Variants in SYNDIG1 observed in about 807,000 individuals in gnomAD.
The protein encoded by SYNDIG1 is synapse differentiation inducing 1, also known as synapse differentiation-inducing gene protein 1.
In SYNDIG1, 9 loss-of-function variants were observed where a neutral mutation model predicts 19.4. The observed-to-expected ratio is 0.46, with a 90% CI of 0.28 to 0.81. The LOEUF (loss-of-function observed/expected upper bound fraction) is 0.81, where lower values mean the gene tolerates loss of function less well. Ranked by LOEUF, SYNDIG1 falls within the 30% of genes least tolerant of loss-of-function variation. The pLI, the probability that SYNDIG1 is intolerant of heterozygous loss-of-function variation, is 0.12. For missense variants in SYNDIG1, 311 were observed against 343.3 expected (o/e 0.91, Z 0.74); for synonymous variants, 141 against 145.9 (o/e 0.97, Z 0.24).
intron 3 of SYNDIG1, among the ~76,000 whole-genome samples, chr20:24,598,847 A>G (rs980469538): frequency 6.6e-6 from 1 of 152,238 alleles, no homozygotes; most frequent in Non-Finnish European, 1.5e-5. Flanking sequence ...ACTCACAATG[A>G]GTTTAAGACT....
At chr20:24,624,186 G>A (rs913291142) in intron 3 of SYNDIG1, among the ~76,000 whole-genome samples, 3 of 150,334 alleles carry the variant, frequency 2.0e-5, no homozygotes, top group African/African-American at 4.9e-5. Flanking sequence ...AACCCGGGAG[G>A]TGGAGCTTGC....
At chr20:24,650,632 C>A (rs1014918230) in intron 3 of SYNDIG1, among the ~76,000 whole-genome samples, 5 of 152,230 alleles carry the variant, frequency 3.3e-5, no homozygotes, top group African/African-American at 1.2e-4. Flanking sequence ...ATTCAGAGCA[C>A]CAGCCCAGCC....
chr20:24,496,153 G>GT (rs1228121058), intron 1 of SYNDIG1, among the ~76,000 whole-genome samples: 1 of 152,152 alleles, frequency 6.6e-6, no homozygotes. Context: ...CCATATTTCT[G>GT]TTTTTAAAAA....
intron 3 of SYNDIG1, among the ~76,000 whole-genome samples, chr20:24,661,285 G>C (rs2059582652): frequency 6.8e-6 from 1 of 147,478 alleles, no homozygotes; most frequent in Admixed American, 6.7e-5. Flanking sequence ...GAGCAAGTGA[G>C]CAGAAGAAAG....
chr20:24,607,324 G>A (rs1204872051), intron 3 of SYNDIG1, among the ~76,000 whole-genome samples: 3 of 144,774 alleles, frequency 2.1e-5, no homozygotes, highest in Non-Finnish European at 4.5e-5. Flanking sequence ...TCACACCACT[G>A]CACTGCAGCC....
At chr20:24,527,445 T>C (rs1028254594) in intron 1 of SYNDIG1, among the ~76,000 whole-genome samples, 2 of 152,156 alleles carry the variant, frequency 1.3e-5, no homozygotes, top group African/African-American at 4.8e-5. Flanking sequence ...TTCTATACTT[T>C]CTTCTCACTA....
intron 1 of SYNDIG1, among the ~76,000 whole-genome samples, chr20:24,490,956 C>T (rs905922745): frequency 4.6e-5 from 7 of 152,146 alleles, no homozygotes; most frequent in African/African-American, 1.4e-4. Context: ...TAGAGCCCAG[C>T]GGCAGTACTG....
At chr20:24,528,653 G>A (rs2057177746) in intron 1 of SYNDIG1, among the ~76,000 whole-genome samples, 1 of 152,140 alleles carries the variant, frequency 6.6e-6, no homozygotes, top group Non-Finnish European at 1.5e-5. Flanking sequence ...CTATGGGCGA[G>A]GGCTTAATCA....
chr20:24,624,839 A>G lies in SYNDIG1; in HGVS notation c.618+39846A>G, dbSNP rs890927047. On this transcript the variant is annotated intron_variant, in intron 3 of 3. Coordinates refer to ENST00000376862, the MANE Select transcript of SYNDIG1 (RefSeq NM_024893.3). ...AAAGATTAAAAACAGTAGAGAAAAT[A>G]AAAAGTATGTGAGGCAGACAACAAA... Among the ~76,000 whole-genome samples, 4 of 152,226 alleles carry G rather than the reference A, an allele frequency of 2.6e-5. No individual in the cohort carries two copies. In the East Asian group the frequency reaches 7.7e-4, roughly 29 times the overall value.
At chr20:24,516,756 A>G (rs946171261) in intron 1 of SYNDIG1, among the ~76,000 whole-genome samples, 3 of 152,218 alleles carry the variant, frequency 2.0e-5, no homozygotes, top group African/African-American at 4.8e-5. Flanking sequence ...AGAAGACAGT[A>G]TGGCGATTCC....
At chr20:24,491,129 A>T (rs1202325997) in intron 1 of SYNDIG1, among the ~76,000 whole-genome samples, 1 of 152,144 alleles carries the variant, frequency 6.6e-6, no homozygotes, top group Non-Finnish European at 1.5e-5. Flanking sequence ...CATACAGAAA[A>T]TATGTTTCAA....
intron 1 of SYNDIG1, among the ~76,000 whole-genome samples, chr20:24,494,821 G>C (rs902188968): frequency 6.6e-6 from 1 of 152,186 alleles, no homozygotes; most frequent in Non-Finnish European, 1.5e-5. Context: ...GAGAGGACCT[G>C]GTGGCCTTCT....
rs1429410721 is a variant in SYNDIG1, at chr20:24,661,897, T to C, written c.619-3449T>C. Among the ~76,000 whole-genome samples, 3 of 152,134 alleles carry C rather than the reference T, an allele frequency of 2.0e-5. No individual in the cohort carries two copies. The South Asian group carries it at 6.2e-4, about 32-fold the overall frequency. On this transcript the variant is annotated intron_variant, in intron 3 of 3. Coordinates refer to ENST00000376862, the MANE Select transcript of SYNDIG1 (RefSeq NM_024893.3). ...CCCAAAATGTGACCAATGGGCAGGG[T>C]GGGGGGTTCCACCAGAGAGAATTGC... is the stretch of plus-strand genomic sequence containing the variant.
chr20:24,629,846 C>T (rs1042565990), intron 3 of SYNDIG1, among the ~76,000 whole-genome samples: 1 of 152,184 alleles, frequency 6.6e-6, no homozygotes, highest in Non-Finnish European at 1.5e-5. Flanking sequence ...AGGCAGCTTC[C>T]GGAACTGAGA....
intron 1 of SYNDIG1, among the ~76,000 whole-genome samples, chr20:24,533,593 A>G (rs1186796405): frequency 1.3e-5 from 2 of 152,006 alleles, no homozygotes; most frequent in African/African-American, 4.8e-5. Flanking sequence ...AGGGAAGGCC[A>G]TAGACAAATG....
chr20:24,569,075 C>G (rs1030453602), intron 2 of SYNDIG1, among the ~76,000 whole-genome samples: 3 of 152,328 alleles, frequency 2.0e-5, no homozygotes, highest in African/African-American at 7.2e-5. Context: ...CCGCCCATTT[C>G]AAGTGACATG....
At chr20:24,479,249 C>G (rs771117367) in intron 1 of SYNDIG1, among the ~76,000 whole-genome samples, 32 of 152,152 alleles carry the variant, frequency 2.1e-4, no homozygotes, top group Non-Finnish European at 4.0e-4. Context: ...GAGCCCCGTC[C>G]TGATGGGTTC....
chr20:24,655,275 A>T (rs2059513410), intron 3 of SYNDIG1, among the ~76,000 whole-genome samples: 1 of 152,190 alleles, frequency 6.6e-6, no homozygotes, highest in African/African-American at 2.4e-5. Context: ...AAACTATAGC[A>T]ACTGAAGCCA....
intron 1 of SYNDIG1, among the ~76,000 whole-genome samples, chr20:24,499,511 C>T (rs1335970631): frequency 1.3e-5 from 2 of 152,256 alleles, no homozygotes; most frequent in Non-Finnish European, 2.9e-5. Flanking sequence ...GCACTGCATA[C>T]ATCCATAAAT....
Sources: allele counts gnomAD v4.1 joint callset (sites outside exome capture counted in the v4.1 genomes callset), GRCh38; gene constraint gnomAD v4.1.1; transcripts MANE v1.5; gene names NCBI Gene and HGNC (gene_info 2026-07-23, HGNC 2026-07-21).